ARHGAP15: variants seen among roughly 807,000 people sequenced by gnomAD.
ARHGAP15 encodes the protein rho GTPase-activating protein 15.
Under a neutral mutation model 63.7 loss-of-function variants are expected in ARHGAP15, and 51 were observed. The observed-to-expected ratio is 0.80, with a 90% CI of 0.64 to 1.01. ARHGAP15 has a LOEUF of 1.01. ARHGAP15 is among the 50% of genes least tolerant of loss of function. The pLI, the probability that ARHGAP15 is intolerant of heterozygous loss-of-function variation, is 0.00. For synonymous variants in ARHGAP15, 191 were observed against 193.8 expected (o/e 0.99, Z 0.12); for missense variants, 560 against 564.6 (o/e 0.99, Z 0.08).
intron 6 of ARHGAP15, among the ~76,000 whole-genome samples, chr2:143,425,219 T>C: frequency 6.6e-6 from 1 of 152,130 alleles, no homozygotes; most frequent in East Asian, 1.9e-4. Context: ...TCCAGATGTC[T>C]CCTTATTAGG....
At chr2:143,764,140 A>T (rs1438583093) in intron 13 of ARHGAP15, among the ~76,000 whole-genome samples, 2 of 152,180 alleles carry the variant, frequency 1.3e-5, no homozygotes, top group African/African-American at 4.8e-5. Flanking sequence ...GACATAAAGG[A>T]TAGAGGTTTG....
At chr2:143,392,684 TGAA>T (rs1396743725) in intron 6 of ARHGAP15, among the ~76,000 whole-genome samples, 2 of 152,160 alleles carry the variant, frequency 1.3e-5, no homozygotes, top group Non-Finnish European at 2.9e-5. Flanking sequence ...GATGAGGTAT[TGAA>T]GAAACATAAA....
At chr2:143,619,293 T>C (rs1414206695) in intron 11 of ARHGAP15, among the ~76,000 whole-genome samples, 1 of 152,206 alleles carries the variant, frequency 6.6e-6, no homozygotes, top group African/African-American at 2.4e-5. Context: ...AAGTTTTTAC[T>C]TAAAAGATAC....
intron 12 of ARHGAP15, among the ~76,000 whole-genome samples, chr2:143,691,856 GGA>G (rs1210494827): frequency 6.6e-6 from 1 of 152,186 alleles, no homozygotes; most frequent in Non-Finnish European, 1.5e-5. Context: ...TAGTTGGCAG[GGA>G]GAGTTTGAGG....
At chr2:143,286,060 G>C (rs1270567472) in intron 6 of ARHGAP15, among the ~76,000 whole-genome samples, 1 of 152,124 alleles carries the variant, frequency 6.6e-6, no homozygotes, top group Non-Finnish European at 1.5e-5. Flanking sequence ...TAACTTTTTT[G>C]AACAAACTCT....
Position 143,491,089 on chromosome 2 carries a change from A to C in ARHGAP15, c.826+3594A>C, listed in dbSNP as rs13396018. ...GTACCATTGCAGTGGTAGCTTTGGA[A>C]AAGTTCTCCAAGGGCATTCAAGTTT... On this transcript the variant is annotated intron_variant, in intron 9 of 13. Coordinates refer to ENST00000295095, the MANE Select transcript of ARHGAP15 (RefSeq NM_018460.4). 7.4e-3 allele frequency among the ~76,000 whole-genome samples: 1,132 copies of C among 152,344 alleles called. 11 individuals are homozygous for C. The highest frequency in any genetic ancestry group is 0.026 in the African/African-American group (1,082 of 41,570).
intron 6 of ARHGAP15, among the ~76,000 whole-genome samples, chr2:143,271,946 T>C (rs1681307317): frequency 1.3e-5 from 2 of 152,334 alleles, no homozygotes; most frequent in South Asian, 4.1e-4. Flanking sequence ...TTTTAAACAG[T>C]TTGTGGAATT....
chr2:143,356,560 A>G (rs1685817994), intron 6 of ARHGAP15, among the ~76,000 whole-genome samples: 1 of 152,172 alleles, frequency 6.6e-6, no homozygotes, highest in Non-Finnish European at 1.5e-5. Flanking sequence ...TACTATGGAA[A>G]TGTAAAACAG....
At chr2:143,323,634 C>T (rs6729784) in intron 6 of ARHGAP15, among the ~76,000 whole-genome samples, 21,084 of 151,924 alleles carry the variant, frequency 0.14, 1,772 homozygotes, top group Non-Finnish European at 0.17. Context: ...TGGTGGTTCA[C>T]GCCTGTAATC....
At chr2:143,733,904 AATT>A (rs1377804873) in intron 13 of ARHGAP15, among the ~76,000 whole-genome samples, 5 of 152,180 alleles carry the variant, frequency 3.3e-5, no homozygotes, top group African/African-American at 9.6e-5. Flanking sequence ...TTTCTTAAAA[AATT>A]ATTTAAGAAA....
At chr2:143,720,307 G>A (rs1684991487) in intron 13 of ARHGAP15, among the ~76,000 whole-genome samples, 1 of 152,138 alleles carries the variant, frequency 6.6e-6, no homozygotes, top group South Asian at 2.1e-4. Flanking sequence ...ACTTAGGTAG[G>A]CTGAATGTAA....
At chr2:143,398,523 C>A (rs1278459155) in intron 6 of ARHGAP15, among the ~76,000 whole-genome samples, 1 of 152,034 alleles carries the variant, frequency 6.6e-6, no homozygotes, top group African/African-American at 2.4e-5. Flanking sequence ...ATGTAAACGA[C>A]CAACTCTGAT....
intron 6 of ARHGAP15, among the ~76,000 whole-genome samples, chr2:143,415,363 T>TA (rs762997790): frequency 2.0e-5 from 3 of 150,942 alleles, no homozygotes; most frequent in South Asian, 2.1e-4. Flanking sequence ...ACAAAGAACA[T>TA]AAAAAAAGGA....
intron 6 of ARHGAP15, among the ~76,000 whole-genome samples, chr2:143,421,820 T>C (rs927990570): frequency 6.6e-6 from 1 of 151,074 alleles, no homozygotes; most frequent in Non-Finnish European, 1.5e-5. Context: ...TTCATTATTA[T>C]ACATTGAATA....
At chr2:143,238,855 G>A (rs749706172) in intron 5 of ARHGAP15, among the ~76,000 whole-genome samples, 2 of 152,114 alleles carry the variant, frequency 1.3e-5, no homozygotes, top group Non-Finnish European at 2.9e-5. Context: ...ATGGAATACT[G>A]TGCAGCTATA....
At chr2:143,449,080 C>A (rs1178216795) in intron 8 of ARHGAP15, among the ~76,000 whole-genome samples, 1 of 152,038 alleles carries the variant, frequency 6.6e-6, no homozygotes, top group Non-Finnish European at 1.5e-5. Flanking sequence ...TCCCTTCCAA[C>A]CCATGATTAC....
At chr2:143,193,125 T>C (rs1355014906) in intron 2 of ARHGAP15, among the ~76,000 whole-genome samples, 1 of 152,200 alleles carries the variant, frequency 6.6e-6, no homozygotes, top group African/African-American at 2.4e-5. Flanking sequence ...GAAACACAAG[T>C]TTCTCTTTCA....
At chr2:143,142,086 GT>G (rs757225134) in intron 1 of ARHGAP15, among the ~76,000 whole-genome samples, 12 of 151,296 alleles carry the variant, frequency 7.9e-5, no homozygotes, top group South Asian at 4.2e-4. Context: ...ATACTTTTCT[GT>G]TTTTTTTTAA....
In ARHGAP15 at chr2:143,536,108, T is replaced by A. The variant is rs368151965; in HGVS notation, c.925+16744T>A. On this transcript the variant is annotated intron_variant, in intron 10 of 13. Coordinates refer to ENST00000295095, the MANE Select transcript of ARHGAP15 (RefSeq NM_018460.4). ...CAGGAATATATGTCATCATTAACTG[T>A]AGTCGTCTTGCTATCCAATAGATCC... Among the ~76,000 whole-genome samples the A allele has an allele frequency of 1.8e-4, 27 of 152,362 alleles. No individual in the cohort carries two copies. The East Asian group carries it at 5.0e-3, about 28-fold the overall frequency.
Sources: gnomAD v4.1 joint callset for allele counts (sites outside exome capture counted in the v4.1 genomes callset) on GRCh38, gnomAD v4.1.1 for gene constraint, MANE v1.5 for transcripts, NCBI Gene and HGNC (gene_info 2026-07-23, HGNC 2026-07-21) for gene names.